PBK: variants seen among roughly 807,000 people sequenced by gnomAD.
PBK encodes the protein PDZ binding kinase, also known as lymphokine-activated killer T-cell-originated protein kinase.
PBK carries 22 observed loss-of-function variants against 33.5 expected under a neutral mutation model. The observed-to-expected ratio is 0.66, with a 90% CI of 0.47 to 0.94. The LOEUF (loss-of-function observed/expected upper bound fraction) is 0.94, where lower values mean the gene tolerates loss of function less well. PBK is among the 40% of genes least tolerant of loss of function. PBK has a pLI of 0.00. For missense variants in PBK, 376 were observed against 383.4 expected (o/e 0.98, Z 0.16); for synonymous variants, 129 against 123.8 (o/e 1.04, Z -0.28).
Position 27,822,329 on chromosome 8 carries a change from C to T in PBK, c.455G>A (p.Arg152Lys), listed in dbSNP as rs765520589. The stretch of plus-strand genomic sequence containing the variant: ...TAATGACATAGTTACCTTTAACCCT[C>T]TTGCCATATTCAAAGCAACTTTTAA... ...IILKVALNMARGLKYLHQEKK... is the reference protein window; with the variant it reads ...IILKVALNMAKGLKYLHQEKK... The change falls in exon 5 of 8, where the codon AGA becomes AAA. Residue 152 changes from arginine (R) to lysine (K), a missense_variant. By Grantham distance (26) the Arg-to-Lys change is conservative (BLOSUM62 2). Coordinates refer to ENST00000301905, the MANE Select transcript of PBK (RefSeq NM_018492.4). 1.9e-6 allele frequency: 3 copies of T among 1,608,232 alleles called. No individual in the cohort carries two copies. Among genetic ancestry groups the T allele is most frequent in the Non-Finnish European group, 1.7e-6 (2 of 1,176,508 alleles).
In PBK at chr8:27,837,797, A is replaced by G. The variant is rs1806257021; in HGVS notation, c.-166T>C. On this transcript the variant is annotated 5_prime_UTR_variant, in exon 1 of 8. Coordinates refer to ENST00000301905, the MANE Select transcript of PBK (RefSeq NM_018492.4). ...CATACGCCCGGCAGCTGCCGTTGCA[A>G]TTCGAACCCTCCTGGCTTTCAAAAA... The G allele has an allele frequency of 6.6e-6, 1 of 152,096 alleles. No homozygotes were observed. Among genetic ancestry groups the G allele is most frequent in the African/African-American group, 2.4e-5 (1 of 41,400 alleles). 9.4% of individuals were successfully genotyped at this position (152,096 alleles called of 1,614,324 possible). A position where few individuals can be genotyped will look rare whatever the true frequency, so the allele number is the denominator to read the frequency against.
intron 2 of PBK, among the ~76,000 whole-genome samples, chr8:27,830,024 GA>G (rs1554561769): frequency 1.3e-5 from 2 of 151,256 alleles, no homozygotes; most frequent in Non-Finnish European, 1.5e-5. Context: ...CCAACATGGC[GA>G]AACCCTGTCT....
Position 27,823,066 on chromosome 8 carries a change from CAAT to C in PBK, c.289_291del (p.Ile97del), listed in dbSNP as rs752618579. On this transcript the variant is annotated inframe_deletion, in exon 4 of 8. Transcript: ENST00000301905. ...CTGCTACCAAATTTAAACGTACCAA[CAAT>C]GTTTGGATGATGAAGGCTTTTCAAA... is the stretch of plus-strand genomic sequence containing the variant. 600 of 1,590,628 alleles carry C rather than the reference CAAT, an allele frequency of 3.8e-4. No individual in the cohort carries two copies. Among genetic ancestry groups the C allele is most frequent in the Admixed American group, 7.7e-4 (45 of 58,170 alleles).
intron 2 of PBK, 96 bp from the exon 3 acceptor site, chr8:27,828,294 A>G: frequency 1.8e-6 from 1 of 549,724 alleles, no homozygotes; most frequent in South Asian, 2.9e-5. Flanking sequence ...ATTAATTGGC[A>G]CAGTCTTTTT....
chr8:27,814,735 C>T (rs1048954358), intron 6 of PBK, among the ~76,000 whole-genome samples: 2 of 152,120 alleles, frequency 1.3e-5, no homozygotes, highest in African/African-American at 4.8e-5. Context: ...TTCCAATTTC[C>T]CTTGTCATTT....
At chr8:27,826,897 T>A (rs1023651338) in intron 3 of PBK, among the ~76,000 whole-genome samples, 2 of 139,518 alleles carry the variant, frequency 1.4e-5, no homozygotes, top group Middle Eastern at 7.9e-3. Flanking sequence ...AAACTTTTTT[T>A]AAAAAGGGGG....
Position 27,826,381 on chromosome 8 carries a change from G to A in PBK, c.152+1724C>T, listed in dbSNP as rs533606885. Among the ~76,000 whole-genome samples the A allele has an allele frequency of 6.4e-4, 97 of 152,260 alleles. 3 individuals carry two copies. In the South Asian group the frequency reaches 0.02, roughly 31 times the overall value. Reference sequence around the variant, plus strand: ...TAAATGAAAACGGGATGTAAATCAAGAAATAATAAGACACAAGATACCTAA... The same window carrying A: ...TAAATGAAAACGGGATGTAAATCAAAAAATAATAAGACACAAGATACCTAA... On this transcript the variant is annotated intron_variant, in intron 3 of 7. Transcript: ENST00000301905.
chr8:27,829,099 G>A (rs2128965059), intron 2 of PBK, among the ~76,000 whole-genome samples: 1 of 38,220 alleles, frequency 2.6e-5, no homozygotes, highest in South Asian at 8.1e-4. Context: ...GTGGAGCAGA[G>A]AACTAGAGAG....
chr8:27,836,863 G>A (rs940431950), intron 1 of PBK, among the ~76,000 whole-genome samples: 10 of 152,172 alleles, frequency 6.6e-5, no homozygotes, highest in African/African-American at 2.2e-4. Flanking sequence ...AATGTACCAT[G>A]TCCTATCCAT....
At chr8:27,819,162 C>T (rs1805873101) in intron 6 of PBK, among the ~76,000 whole-genome samples, 1 of 152,036 alleles carries the variant, frequency 6.6e-6, no homozygotes, top group Admixed American at 6.6e-5. Flanking sequence ...GTTTTCCCAG[C>T]CATGTTTGAT....
intron 6 of PBK, among the ~76,000 whole-genome samples, chr8:27,817,050 G>T (rs1365501112): frequency 6.6e-6 from 1 of 152,110 alleles, no homozygotes; most frequent in Non-Finnish European, 1.5e-5. Context: ...GAAAGCCTTT[G>T]CCTACAGAAA....
chr8:27,827,758 A>T (rs1806052454), intron 3 of PBK, among the ~76,000 whole-genome samples: 1 of 152,196 alleles, frequency 6.6e-6, no homozygotes, highest in Non-Finnish European at 1.5e-5. Flanking sequence ...CACTGACATC[A>T]CCCAATACTG....
At position 27,814,019 on chromosome 8, in the gene PBK, T is replaced by C. The variant is rs115111278; in HGVS notation, c.596-2885A>G. Reference sequence around the variant, plus strand: ...TGTATAATAATCACATCAGGACCGATAGGATGTCCTACAATGTGTCAGGTT... The same window carrying C: ...TGTATAATAATCACATCAGGACCGACAGGATGTCCTACAATGTGTCAGGTT... On this transcript the variant is annotated intron_variant, in intron 6 of 7. Coordinates refer to ENST00000301905, the MANE Select transcript of PBK (RefSeq NM_018492.4). 3.8e-3 allele frequency among the ~76,000 whole-genome samples: 576 copies of C among 152,306 alleles called. 5 individuals carry two copies. The highest frequency in any genetic ancestry group is 0.013 in the African/African-American group (531 of 41,566).
chr8:27,821,659 A>G (rs4541856), intron 5 of PBK, among the ~76,000 whole-genome samples: 23,929 of 152,192 alleles, frequency 0.16, 2,387 homozygotes, highest in East Asian at 0.37. Context: ...CTAATCCTAC[A>G]TACTTTATAT....
At chr8:27,818,601 A>G (rs1805862856) in intron 6 of PBK, among the ~76,000 whole-genome samples, 1 of 152,208 alleles carries the variant, frequency 6.6e-6, no homozygotes, top group African/African-American at 2.4e-5. Flanking sequence ...CAGTCTCTTC[A>G]TAATAGAGCT....
intron 3 of PBK, 138 bp downstream of exon 3, chr8:27,827,967 C>T (rs900939966): frequency 1.0e-5 from 5 of 501,460 alleles, no homozygotes; most frequent in African/African-American, 3.8e-5. Flanking sequence ...GGTCTAGGGA[C>T]CGGAATACAG....
At chr8:27,821,287 A>G (rs1805923626) in intron 5 of PBK, among the ~76,000 whole-genome samples, 2 of 151,254 alleles carry the variant, frequency 1.3e-5, no homozygotes, top group East Asian at 2.0e-4. Flanking sequence ...TCCAAGACAG[A>G]GTCTTGCTCT....
At chr8:27,810,735 A>G (rs909978154) in intron 7 of PBK, among the ~76,000 whole-genome samples, 1 of 152,132 alleles carries the variant, frequency 6.6e-6, no homozygotes, top group African/African-American at 2.4e-5. Flanking sequence ...TTTCCAATCA[A>G]TCATTTTCTC....
At chr8:27,831,209 C>T (rs932828560) in intron 2 of PBK, among the ~76,000 whole-genome samples, 1 of 151,936 alleles carries the variant, frequency 6.6e-6, no homozygotes, top group Non-Finnish European at 1.5e-5. Flanking sequence ...AAAAATTAGC[C>T]GGCCATGGTG....
Sources: gnomAD v4.1 joint callset for allele counts (sites outside exome capture counted in the v4.1 genomes callset) on GRCh38, gnomAD v4.1.1 for gene constraint, MANE v1.5 for transcripts, NCBI Gene and HGNC (gene_info 2026-07-23, HGNC 2026-07-21) for gene names.